Variants in HECTD4 observed in about 807,000 individuals in gnomAD.
The protein encoded by HECTD4 is HECT domain E3 ubiquitin protein ligase 4.
A neutral mutation model predicts 471.5 loss-of-function variants in HECTD4; 114 were observed. That is an observed-to-expected ratio of 0.24 (90% CI 0.21 to 0.28). HECTD4 has a LOEUF of 0.28. Among genes scored for constraint, HECTD4 ranks in the 10% least tolerant of loss-of-function variants. The probability of loss-of-function intolerance (pLI) is 1.00; values close to 1 mark genes in which losing one functional copy is unlikely to be tolerated. For missense variants in HECTD4, 3,866 were observed against 5,651.5 expected (o/e 0.68, Z 10.13); for synonymous variants, 2,012 against 2,256.0 (o/e 0.89, Z 3.07).
At position 112,193,452 on chromosome 12, in the gene HECTD4, G is replaced by A. The variant is rs778742315; in HGVS notation, c.8955+17C>T. 6 of 1,595,990 alleles carry A rather than the reference G, an allele frequency of 3.8e-6. No individual in the cohort carries two copies. The African/African-American group carries it at 5.4e-5, about 14-fold the overall frequency. On this transcript the variant is annotated intron_variant, in intron 57 of 75. Transcript: ENST00000682272. The surrounding 1 kb of genome is among the most constrained non-coding windows in gnomAD (Gnocchi z 5.2). ...AATGGTAACCACACTGCAGGAACATGAGCTTTAGACTTCTACCTGCAGGAA... is the reference window on the plus strand; with the variant it reads ...AATGGTAACCACACTGCAGGAACATAAGCTTTAGACTTCTACCTGCAGGAA...
chr12:112,309,733 T>C lies in HECTD4; in HGVS notation c.917-64A>G, dbSNP rs1046174426. On this transcript the variant is annotated intron_variant, in intron 4 of 75. Coordinates refer to ENST00000682272, the MANE Select transcript of HECTD4 (RefSeq NM_001388303.1). ...TTTTCTATTGAAATTATAAACATGC[T>C]TTTTCTAATGAAAAAGCCATTAGGA... 3.9e-6 allele frequency: 3 copies of C among 768,840 alleles called. No individual in the cohort carries two copies. The African/African-American group carries it at 5.3e-5, about 14-fold the overall frequency. 47.6% of individuals were successfully genotyped at this position (768,840 alleles called of 1,614,324 possible).
chr12:112,171,421 G>T, intron 67 of HECTD4, 158 bp from the exon 68 acceptor site: 2 of 1,198,256 alleles, frequency 1.7e-6, no homozygotes, highest in Non-Finnish European at 2.3e-6. Context: ...CCCCCAATGT[G>T]CCTGTGCCTA....
Position 112,246,977 on chromosome 12 carries a change from C to T in HECTD4, c.4437G>A (p.Glu1479=). 1 of 1,612,152 alleles carries T rather than the reference C, an allele frequency of 6.2e-7. No homozygotes were observed. The highest frequency in any genetic ancestry group is 1.7e-5 in the Admixed American group (1 of 60,002). The change falls in exon 29 of 76, where the codon GAG becomes GAA. Residue 1479 remains glutamate (E), a synonymous_variant. Transcript: ENST00000682272. ...CTGCGATGGTGACATGCAGCAACAG[C>T]TCGGCTCGGTTCATTAAACTCTTCA... The part of the protein sequence containing the change: ...TLVKSLMNRA[E]LLLHVTIAAQ...
chr12:112,175,727 C>T lies in HECTD4; in HGVS notation c.11594+9G>A. The T allele has an allele frequency of 6.2e-7, 1 of 1,611,062 alleles. No homozygotes were observed. The highest frequency in any genetic ancestry group is 8.5e-7 in the Non-Finnish European group (1 of 1,178,634). On this transcript the variant is annotated intron_variant, in intron 66 of 75. Coordinates refer to ENST00000682272, the MANE Select transcript of HECTD4 (RefSeq NM_001388303.1). Reference sequence around the variant, plus strand: ...AGGTGCCAACTGAGTCGAGGGGTAACCCTCTTACCTCTCAAAGTGAAGATC... The same window carrying T: ...AGGTGCCAACTGAGTCGAGGGGTAATCCTCTTACCTCTCAAAGTGAAGATC...
At chr12:112,371,551 G>A (rs1297620684) in intron 1 of HECTD4, among the ~76,000 whole-genome samples, 1 of 150,290 alleles carries the variant, frequency 6.7e-6, no homozygotes, top group Non-Finnish European at 1.5e-5. Context: ...CTCCAGCCTG[G>A]GCAACAAAAG....
chr12:112,349,435 A>G (rs2135735438), intron 1 of HECTD4, among the ~76,000 whole-genome samples: 1 of 151,380 alleles, frequency 6.6e-6, no homozygotes, highest in African/African-American at 2.4e-5. Context: ...AAGAAACATT[A>G]TGCATAAAGA....
chr12:112,289,582 T>A (rs889526530), intron 7 of HECTD4, among the ~76,000 whole-genome samples: 1 of 152,070 alleles, frequency 6.6e-6, no homozygotes, highest in Non-Finnish European at 1.5e-5. Context: ...ATGTTTAGGT[T>A]TTTTTTTCTA....
rs2034465478 is a variant in HECTD4, at chr12:112,273,700, C to A, written c.1897G>T (p.Val633Phe). 1.2e-6 allele frequency: 2 copies of A among 1,613,876 alleles called. No homozygotes were observed. The change falls in exon 11 of 76, where the codon GTC (valine) becomes TTC (phenylalanine). Residue 633 changes from valine to phenylalanine, a missense_variant. Around this residue, in one of 16 missense-constraint regions of HECTD4, gnomAD observed 525 missense variants for 672.6 expected, o/e 0.78. Coordinates refer to ENST00000682272, the MANE Select transcript of HECTD4 (RefSeq NM_001388303.1). ...TGACTGACTCCAAGTCTCTGGCAGA[C>A]ATAATGGAAGGCTTGATTCCCAGGG... is the stretch of plus-strand genomic sequence containing the variant. ...CNPGNQAFHY[V>F]CQRLGVSHII...
intron 1 of HECTD4, among the ~76,000 whole-genome samples, chr12:112,375,348 T>C (rs2036757106): frequency 2.0e-5 from 3 of 152,212 alleles, no homozygotes; most frequent in Admixed American, 6.5e-5. Flanking sequence ...TAAAGCTGAC[T>C]TGAACATTCA....
Position 112,264,089 on chromosome 12 carries a change from C to T in HECTD4, c.2743G>A (p.Val915Ile). 1 of 1,609,514 alleles carries T rather than the reference C, an allele frequency of 6.2e-7. No individual in the cohort carries two copies. Among genetic ancestry groups the T allele is most frequent in the East Asian group, 2.2e-5 (1 of 44,802 alleles). The change falls in exon 17 of 76, where the codon GTA becomes ATA. Residue 915 changes from valine (V) to isoleucine (I), a missense_variant. This residue lies in a region of HECTD4 where 525 missense variants were observed against 672.6 expected (regional missense o/e 0.78). Coordinates refer to ENST00000682272, the MANE Select transcript of HECTD4 (RefSeq NM_001388303.1). ...DSSLQGETLK[V>I]QELKVSILAL... ...AAATAAAGCTTGGTGTTTACCTGTACCTTCAATGTCTCTCCCTGCAAGGAG... is the reference window on the plus strand; with the variant it reads ...AAATAAAGCTTGGTGTTTACCTGTATCTTCAATGTCTCTCCCTGCAAGGAG...
chr12:112,233,009 T>C lies in HECTD4; in HGVS notation c.5992A>G (p.Thr1998Ala). The C allele has an allele frequency of 1.9e-6, 3 of 1,611,252 alleles. No homozygotes were observed. Among genetic ancestry groups the C allele is most frequent in the Admixed American group, 1.7e-5 (1 of 59,712 alleles). ...TTTTAACCTCATGAGGTTACCTTGG[T>C]CATGTCTCGATCCATCTTCACAACT... is the stretch of plus-strand genomic sequence containing the variant. ...EKVVKMDRDM[T>A]KGGCCEVITE... The change falls in exon 38 of 76, where the codon ACC (threonine) becomes GCC (alanine). Residue 1998 changes from threonine to alanine, a missense_variant. Thr to Ala is a moderately conservative substitution (Grantham distance 58). Around this residue, in one of 16 missense-constraint regions of HECTD4, gnomAD observed 617 missense variants for 915.1 expected, o/e 0.67. Transcript: ENST00000682272.
At chr12:112,325,295 A>G (rs2035717445) in intron 1 of HECTD4, among the ~76,000 whole-genome samples, 1 of 152,258 alleles carries the variant, frequency 6.6e-6, no homozygotes, top group Admixed American at 6.5e-5. Context: ...ATTATATAAC[A>G]TACACACTTA....
At chr12:112,187,712 C>T (rs1002292521) in intron 60 of HECTD4, among the ~76,000 whole-genome samples, 3 of 148,434 alleles carry the variant, frequency 2.0e-5, no homozygotes, top group Non-Finnish European at 3.0e-5. Flanking sequence ...CTGTAAGCTC[C>T]GCCTCCTGGG....
intron 62 of HECTD4, among the ~76,000 whole-genome samples, chr12:112,180,710 G>T (rs1449083554): frequency 1.3e-5 from 2 of 152,042 alleles, no homozygotes; most frequent in Non-Finnish European, 2.9e-5. Flanking sequence ...GAGAAGACTG[G>T]GAAAGATAAT....
At chr12:112,264,953 C>T (rs370129888) in intron 16 of HECTD4, among the ~76,000 whole-genome samples, 3 of 152,090 alleles carry the variant, frequency 2.0e-5, no homozygotes, top group Non-Finnish European at 4.4e-5. Flanking sequence ...TTAATAGAGA[C>T]GGGGTTTCAC....
intron 1 of HECTD4, among the ~76,000 whole-genome samples, chr12:112,357,421 T>TG (rs1443852931): frequency 6.6e-6 from 1 of 151,620 alleles, no homozygotes; most frequent in Non-Finnish European, 1.5e-5. Context: ...AGCTACTGGG[T>TG]GGGGGGCTAA....
At chr12:112,207,314 T>C (rs1311083125) in intron 52 of HECTD4, among the ~76,000 whole-genome samples, 1 of 152,204 alleles carries the variant, frequency 6.6e-6, no homozygotes, top group Non-Finnish European at 1.5e-5. Flanking sequence ...CAGCTAATTT[T>C]GCATTTTTAG....
intron 72 of HECTD4, among the ~76,000 whole-genome samples, chr12:112,165,573 A>T (rs547179741): frequency 6.6e-6 from 1 of 150,744 alleles, no homozygotes; most frequent in South Asian, 2.1e-4. Context: ...GGATGGTCTC[A>T]ATCTCCTGAC....
At chr12:112,254,829 C>T (rs1022887605) in intron 21 of HECTD4, among the ~76,000 whole-genome samples, 2 of 152,122 alleles carry the variant, frequency 1.3e-5, no homozygotes, top group African/African-American at 4.8e-5. Context: ...ACTTTCTAAT[C>T]GGCAGAAGAA....
Sources: gnomAD v4.1 joint callset for allele counts (sites outside exome capture counted in the v4.1 genomes callset) on GRCh38, gnomAD v4.1.1 for gene constraint, gnomAD v4.1.1 regional missense constraint, Gnocchi (gnomAD v3.1) non-coding constraint, MANE v1.5 for transcripts, NCBI Gene and HGNC (gene_info 2026-07-23, HGNC 2026-07-21) for gene names.